The following RBFOX1 variants were observed in gnomAD, a reference collection of about 807,000 sequenced individuals.
RBFOX1 encodes the protein RNA binding protein fox-1 homolog 1.
A neutral mutation model predicts 57.7 loss-of-function variants in RBFOX1; 8 were observed. The ratio of observed to expected loss-of-function variants is 0.14; its 90% CI spans 0.08 to 0.25. The LOEUF is 0.25. RBFOX1 is among the 10% of genes least tolerant of loss of function. The pLI is 1.00. For missense variants in RBFOX1, 611 were observed against 548.5 expected (o/e 1.11, Z -1.14); for synonymous variants, 326 against 222.4 (o/e 1.47, Z -4.15).
At chr16:5,427,421 C>T (rs1325954926) in intron 1 of RBFOX1, among the ~76,000 whole-genome samples, 1 of 152,046 alleles carries the variant, frequency 6.6e-6, no homozygotes, top group Non-Finnish European at 1.5e-5. Context: ...CCTGTCTCTA[C>T]TAAAAATACA....
intron 2 of RBFOX1, among the ~76,000 whole-genome samples, chr16:6,475,428 C>G (rs911224692): frequency 6.6e-6 from 1 of 152,146 alleles, no homozygotes; most frequent in South Asian, 2.1e-4. Context: ...GGTCATTCAC[C>G]TGGTCTTTGT....
intron 3 of RBFOX1, among the ~76,000 whole-genome samples, chr16:7,039,999 T>C (rs1597738524): frequency 8.8e-6 from 1 of 113,252 alleles, no homozygotes; most frequent in East Asian, 6.5e-4. Flanking sequence ...TATGGGGAGT[T>C]ATTTTATTAT....
chr16:6,531,908 A>G (rs1311410064), intron 2 of RBFOX1, among the ~76,000 whole-genome samples: 3 of 152,206 alleles, frequency 2.0e-5, no homozygotes, highest in African/African-American at 7.2e-5. Flanking sequence ...CCCCTTCTAC[A>G]TTAAGCAAAA....
At chr16:6,720,823 G>T (rs571802178) in intron 3 of RBFOX1, among the ~76,000 whole-genome samples, 2 of 152,250 alleles carry the variant, frequency 1.3e-5, no homozygotes, top group South Asian at 4.2e-4. Context: ...GGATGTTGCT[G>T]AAGTGTATCC....
At chr16:5,629,141 T>G (rs959723932) in intron 3 of RBFOX1, among the ~76,000 whole-genome samples, 1 of 152,220 alleles carries the variant, frequency 6.6e-6, no homozygotes, top group African/African-American at 2.4e-5. Flanking sequence ...CATTTTCCAC[T>G]TAGAACATAT....
chr16:7,010,116 A>G (rs558262208), intron 3 of RBFOX1, among the ~76,000 whole-genome samples: 2 of 152,230 alleles, frequency 1.3e-5, no homozygotes, highest in African/African-American at 2.4e-5. Flanking sequence ...CATGAACTCT[A>G]TTCTTTGCTG....
intron 3 of RBFOX1, among the ~76,000 whole-genome samples, chr16:5,840,468 G>T (rs1207688971): frequency 6.6e-6 from 1 of 151,762 alleles, no homozygotes; most frequent in Non-Finnish European, 1.5e-5. Context: ...GTGCTGATAG[G>T]CCTGGCGGTG....
intron 4 of RBFOX1, among the ~76,000 whole-genome samples, chr16:7,186,994 C>CAA (rs35177784): frequency 9.3e-3 from 632 of 67,908 alleles, no homozygotes; most frequent in Non-Finnish European, 0.012. Flanking sequence ...CCCACCTCCA[C>CAA]AAAAAAAAAA....
chr16:7,173,492 C>G (rs1204373661), intron 4 of RBFOX1, among the ~76,000 whole-genome samples: 3 of 150,252 alleles, frequency 2.0e-5, no homozygotes, highest in Non-Finnish European at 3.0e-5. Context: ...CCATTTGACA[C>G]TTTTTTTTTT....
At position 6,191,285 on chromosome 16, in the gene RBFOX1, C is replaced by T. The variant is rs115657604; in HGVS notation, c.-126-125710C>T. On this transcript the variant is annotated intron_variant, in intron 1 of 15. Coordinates refer to ENST00000550418, the MANE Select transcript of RBFOX1 (RefSeq NM_018723.4). ...GTTCTGAATGTTGTCTTCTCCCTGT[C>T]ATAGTGCCTGTGATTATGATAACCC... Among the ~76,000 whole-genome samples, 1,142 of 152,178 alleles carry T rather than the reference C, an allele frequency of 7.5e-3. 12 individuals carry two copies. The highest frequency in any genetic ancestry group is 0.026 in the African/African-American group (1,075 of 41,512).
In RBFOX1 at chr16:6,920,459, A is replaced by T. The variant is rs553208850; in HGVS notation, c.-15-131598A>T. Among the ~76,000 whole-genome samples the T allele has an allele frequency of 4.6e-5, 7 of 152,306 alleles. No homozygotes were observed. The South Asian group carries it at 1.5e-3, about 32-fold the overall frequency. On this transcript the variant is annotated intron_variant, in intron 3 of 15. Transcript: ENST00000550418. ...GTTTAAGTTGATACGAAAAAGTTAGATGTGTCCTAGACATTAAGGGAGCAC... is the reference window on the plus strand; with the variant it reads ...GTTTAAGTTGATACGAAAAAGTTAGTTGTGTCCTAGACATTAAGGGAGCAC...
intron 4 of RBFOX1, among the ~76,000 whole-genome samples, chr16:7,157,278 G>C (rs1279865222): frequency 6.6e-6 from 1 of 152,162 alleles, no homozygotes; most frequent in Non-Finnish European, 1.5e-5. Context: ...ATGGGAAGAA[G>C]ACCATATGCT....
At chr16:6,414,093 G>A (rs2093553306) in intron 2 of RBFOX1, among the ~76,000 whole-genome samples, 2 of 152,162 alleles carry the variant, frequency 1.3e-5, no homozygotes, top group South Asian at 4.1e-4. Flanking sequence ...TGTGGAAAGG[G>A]GCTGGAGGAA....
At chr16:6,960,706 T>G (rs528860783) in intron 3 of RBFOX1, among the ~76,000 whole-genome samples, 5 of 152,056 alleles carry the variant, frequency 3.3e-5, no homozygotes, top group Non-Finnish European at 5.9e-5. Context: ...ACGGGCCCAC[T>G]CTCTGTACTG....
chr16:5,818,784 A>G (rs1276103468), intron 3 of RBFOX1, among the ~76,000 whole-genome samples: 4 of 152,152 alleles, frequency 2.6e-5, no homozygotes, highest in African/African-American at 7.2e-5. Flanking sequence ...TCCCCTGAGC[A>G]TTGGATCCCT....
chr16:6,252,478 A>G (rs2097624191), intron 1 of RBFOX1, among the ~76,000 whole-genome samples: 1 of 152,172 alleles, frequency 6.6e-6, no homozygotes, highest in African/African-American at 2.4e-5. Context: ...ACTGAAAAGT[A>G]AGTGTGGAGA....
chr16:6,707,679 G>T (rs1180587440), intron 3 of RBFOX1, among the ~76,000 whole-genome samples: 1 of 152,136 alleles, frequency 6.6e-6, no homozygotes, highest in African/African-American at 2.4e-5. Flanking sequence ...ACAAGCCCAG[G>T]AGAGTGATAG....
intron 4 of RBFOX1, among the ~76,000 whole-genome samples, chr16:5,904,873 A>G (rs998322909): frequency 3.4e-5 from 5 of 148,074 alleles, no homozygotes; most frequent in Admixed American, 1.4e-4. Context: ...GCTACTCGGG[A>G]GGCTGAGGCA....
chr16:6,324,139 T>G (rs2082114256), intron 2 of RBFOX1, among the ~76,000 whole-genome samples: 1 of 151,002 alleles, frequency 6.6e-6, no homozygotes, highest in African/African-American at 2.4e-5. Flanking sequence ...ATCCCTCACC[T>G]TCCTCCCGCC....
Sources: gnomAD v4.1 joint callset for allele counts (sites outside exome capture counted in the v4.1 genomes callset) on GRCh38, gnomAD v4.1.1 for gene constraint, MANE v1.5 for transcripts, NCBI Gene and HGNC (gene_info 2026-07-23, HGNC 2026-07-21) for gene names.